The following PRLR variants were observed in gnomAD, a reference collection of about 807,000 sequenced individuals.
PRLR encodes hPRL receptor.
A neutral mutation model predicts 40.2 loss-of-function variants in PRLR; 13 were observed. The observed-to-expected ratio is 0.32, with a 90% CI of 0.21 to 0.51. The LOEUF (loss-of-function observed/expected upper bound fraction) is 0.51. Among genes scored for constraint, PRLR ranks in the 20% least tolerant of loss-of-function variants. The probability of loss-of-function intolerance (pLI) is 0.97; values close to 1 mark genes in which losing one functional copy is unlikely to be tolerated. For missense variants in PRLR, 656 were observed against 747.3 expected (o/e 0.88, Z 1.42); for synonymous variants, 269 against 278.7 (o/e 0.97, Z 0.35).
At chr5:35,117,203 A>T (rs1229672997) in intron 2 of PRLR, among the ~76,000 whole-genome samples, 3 of 152,198 alleles carry the variant, frequency 2.0e-5, no homozygotes, top group Non-Finnish European at 2.9e-5. Flanking sequence ...AGAACTTGAC[A>T]CCAAAGCGGC....
rs188647493 is a variant in PRLR, at chr5:35,113,783, C to T, written c.-44+4278G>A. On this transcript the variant is annotated intron_variant, in intron 2 of 9. Transcript: ENST00000618457. ...CCCATAGCGGGCAGATTTGACCTGGCCTAGGAGGCCAGGAGGGGTTGCCTG... is the reference window on the plus strand; with the variant it reads ...CCCATAGCGGGCAGATTTGACCTGGTCTAGGAGGCCAGGAGGGGTTGCCTG... Among the ~76,000 whole-genome samples the T allele has an allele frequency of 6.7e-3, 1,020 of 152,318 alleles. 7 individuals carry two copies. Among genetic ancestry groups the T allele is most frequent in the Non-Finnish European group, 0.011 (718 of 68,024 alleles).
intron 8 of PRLR, among the ~76,000 whole-genome samples, chr5:35,050,511 G>T (rs1365947273): frequency 6.6e-6 from 1 of 152,154 alleles, no homozygotes; most frequent in Admixed American, 6.5e-5. Flanking sequence ...ATCTCAGTTT[G>T]CACAAATGGT....
Position 35,101,840 on chromosome 5 carries a change from A to T in PRLR, c.-43-12177T>A, listed in dbSNP as rs962219666. Among the ~76,000 whole-genome samples, 8 of 148,856 alleles carry T rather than the reference A, an allele frequency of 5.4e-5. No homozygotes were observed. The East Asian group carries it at 1.4e-3, about 25-fold the overall frequency. ...TGTTTTATATATTATATATATATATATTTTTGAGATGGACTCTTGCTCTGT... is the reference window on the plus strand; with the variant it reads ...TGTTTTATATATTATATATATATATTTTTTTGAGATGGACTCTTGCTCTGT... On this transcript the variant is annotated intron_variant, in intron 2 of 9. Coordinates refer to ENST00000618457, the MANE Select transcript of PRLR (RefSeq NM_000949.7).
intron 5 of PRLR, among the ~76,000 whole-genome samples, chr5:35,077,677 T>A (rs1770206918): frequency 6.6e-6 from 1 of 152,168 alleles, no homozygotes; most frequent in Non-Finnish European, 1.5e-5. Context: ...TATCCAGGAC[T>A]TGAACTCAGC....
At chr5:35,137,460 T>C (rs1579719582) in intron 1 of PRLR, among the ~76,000 whole-genome samples, 1 of 152,360 alleles carries the variant, frequency 6.6e-6, no homozygotes, top group Non-Finnish European at 1.5e-5. Flanking sequence ...CTGTCCTTTG[T>C]GGACATGCTG....
chr5:35,155,482 A>C (rs1328856595), intron 1 of PRLR, among the ~76,000 whole-genome samples: 2 of 152,178 alleles, frequency 1.3e-5, no homozygotes, highest in Admixed American at 6.5e-5. Flanking sequence ...CCCATCGACT[A>C]TTGGGAGCAA....
At chr5:35,083,179 CTG>C (rs1328390002) in intron 5 of PRLR, among the ~76,000 whole-genome samples, 1 of 152,050 alleles carries the variant, frequency 6.6e-6, no homozygotes, top group Admixed American at 6.6e-5. Flanking sequence ...ATAAAGAAGA[CTG>C]TGAATGGCCC....
intron 1 of PRLR, among the ~76,000 whole-genome samples, chr5:35,203,375 T>C (rs1284774501): frequency 3.3e-5 from 5 of 152,130 alleles, no homozygotes; most frequent in African/African-American, 1.2e-4. Flanking sequence ...AGCAGAACAT[T>C]GTGTTGAGTG....
chr5:35,072,086 T>G (rs1278445561), intron 6 of PRLR, among the ~76,000 whole-genome samples: 6 of 151,454 alleles, frequency 4.0e-5, no homozygotes, highest in Non-Finnish European at 5.9e-5. Flanking sequence ...TTAGTAGAGA[T>G]GGGGTTTCTT....
Position 35,160,567 on chromosome 5 carries a change from G to A in PRLR, c.-105-42445C>T, listed in dbSNP as rs368157723. ...AGAGCCCCAGTCTATGGGGAGGAGA[G>A]GAGCCTGAATTCTGCTAAGGTGTAG... On this transcript the variant is annotated intron_variant, in intron 1 of 9. Coordinates refer to ENST00000618457, the MANE Select transcript of PRLR (RefSeq NM_000949.7). 5.9e-5 allele frequency among the ~76,000 whole-genome samples: 9 copies of A among 152,192 alleles called. 1 individual carries two copies. Among genetic ancestry groups the A allele is most frequent in the African/African-American group, 1.7e-4 (7 of 41,442 alleles).
chr5:35,182,567 G>T (rs895148639), intron 1 of PRLR, among the ~76,000 whole-genome samples: 1 of 152,348 alleles, frequency 6.6e-6, no homozygotes, highest in Non-Finnish European at 1.5e-5. Flanking sequence ...CACTGGGATG[G>T]AGCTGCTTTA....
At chr5:35,071,012 A>G (rs1274672751) in intron 6 of PRLR, among the ~76,000 whole-genome samples, 1 of 152,166 alleles carries the variant, frequency 6.6e-6, no homozygotes, top group Admixed American at 6.5e-5. Context: ...TGACCTTACA[A>G]TCAAGGGATC....
At chr5:35,155,612 C>T (rs180742977) in intron 1 of PRLR, among the ~76,000 whole-genome samples, 1 of 152,266 alleles carries the variant, frequency 6.6e-6, no homozygotes, top group East Asian at 1.9e-4. Flanking sequence ...GACTTGGATG[C>T]CATTTCACAG....
At chr5:35,096,977 T>C (rs1447204749) in intron 2 of PRLR, among the ~76,000 whole-genome samples, 1 of 152,328 alleles carries the variant, frequency 6.6e-6, no homozygotes, top group East Asian at 1.9e-4. Flanking sequence ...TGGCTCAGAA[T>C]TGAGCCCACT....
chr5:35,054,771 A>T (rs924631941), downstream of PRLR, among the ~76,000 whole-genome samples: 3 of 152,318 alleles, frequency 2.0e-5, no homozygotes, highest in East Asian at 5.8e-4. Context: ...GTGCATAAAG[A>T]TATCTGCTAT....
chr5:35,055,260 T>C (rs1467546990), downstream of PRLR, among the ~76,000 whole-genome samples: 1 of 152,164 alleles, frequency 6.6e-6, no homozygotes, highest in Non-Finnish European at 1.5e-5. Flanking sequence ...TTTGGAAACA[T>C]GGGAAAGTTG....
chr5:35,097,607 G>A (rs971243869), intron 2 of PRLR, among the ~76,000 whole-genome samples: 1 of 152,012 alleles, frequency 6.6e-6, no homozygotes, highest in African/African-American at 2.4e-5. Flanking sequence ...GTGAGGAGTG[G>A]GGACAGGTCA....
At chr5:35,227,475 C>T (rs1776581310) in intron 1 of PRLR, among the ~76,000 whole-genome samples, 1 of 152,172 alleles carries the variant, frequency 6.6e-6, no homozygotes, top group South Asian at 2.1e-4. Flanking sequence ...ATAACTCATA[C>T]TCTGCAATCT....
intron 1 of PRLR, among the ~76,000 whole-genome samples, chr5:35,164,999 G>A (rs983085658): frequency 6.6e-6 from 1 of 152,198 alleles, no homozygotes. Context: ...GAAATAAAGA[G>A]TCCCCTTAGT....
Sources: allele counts gnomAD v4.1 joint callset (sites outside exome capture counted in the v4.1 genomes callset), GRCh38; gene constraint gnomAD v4.1.1; transcripts MANE v1.5; gene names NCBI Gene and HGNC (gene_info 2026-07-23, HGNC 2026-07-21).